The following SYTL2 variants were observed in gnomAD, a reference collection of about 807,000 sequenced individuals.
The protein encoded by SYTL2 is synaptotagmin-like protein 2.
Under a neutral mutation model 198.7 loss-of-function variants are expected in SYTL2, and 165 were observed. That is an observed-to-expected ratio of 0.83 (90% CI 0.73 to 0.94). SYTL2 has a LOEUF of 0.94. SYTL2 is among the 40% of genes least tolerant of loss of function. The pLI is 0.00. For missense variants in SYTL2, 2,835 were observed against 2,582.8 expected (o/e 1.10, Z -2.12); for synonymous variants, 966 against 917.7 (o/e 1.05, Z -0.95).
chr11:85,782,263 C>T (rs1367693637), intron 1 of SYTL2, among the ~76,000 whole-genome samples: 2 of 152,208 alleles, frequency 1.3e-5, no homozygotes, highest in Non-Finnish European at 2.9e-5. Context: ...TTGAGCTGTA[C>T]CTTGGTCTCT....
chr11:85,728,901 T>C (rs1391153095), intron 7 of SYTL2, among the ~76,000 whole-genome samples: 1 of 152,196 alleles, frequency 6.6e-6, no homozygotes, highest in African/African-American at 2.4e-5. Flanking sequence ...TTGGGCACAG[T>C]AATCTTTACT....
intron 2 of SYTL2, among the ~76,000 whole-genome samples, chr11:85,753,626 C>A (rs2091680847): frequency 6.6e-6 from 1 of 151,460 alleles, no homozygotes; most frequent in African/African-American, 2.4e-5. Flanking sequence ...TTTTAATTAG[C>A]TGGATGTGGT....
chr11:85,715,215 G>C (rs959703287), intron 11 of SYTL2: 5 of 152,020 alleles, frequency 3.3e-5, no homozygotes, highest in African/African-American at 1.2e-4. Context: ...TGTGTAGAAG[G>C]TACAAGAAGA....
At chr11:85,705,226 A>T (rs2084944505) in intron 15 of SYTL2, 198 bp from the exon 16 acceptor site, 2 of 459,466 alleles carry the variant, frequency 4.4e-6, no homozygotes, top group African/African-American at 1.9e-5. Flanking sequence ...ATAAAAGCTG[A>T]TTTGCTTCCC....
At chr11:85,714,776 C>T in intron 11 of SYTL2, 1 of 842,450 alleles carries the variant, frequency 1.2e-6, no homozygotes, top group South Asian at 2.7e-5. Flanking sequence ...TGGAGCTGCA[C>T]TTGAATCAAA....
At chr11:85,798,018 A>ATT (rs5793171) in intron 1 of SYTL2, among the ~76,000 whole-genome samples, 5,466 of 145,486 alleles carry the variant, frequency 0.038, 129 homozygotes, top group Admixed American at 0.06. Context: ...TATGCCAGCT[A>ATT]TTTTTTTTTT....
At chr11:85,745,490 G>A (rs1341115144) in intron 4 of SYTL2, 147 bp downstream of exon 4, 4 of 735,072 alleles carry the variant, frequency 5.4e-6, no homozygotes, top group African/African-American at 5.2e-5. Context: ...ATCTGCATCG[G>A]GGCCCAGAAT....
rs761042622 is a variant in SYTL2, at chr11:85,696,240, C to T, written c.6517G>A (p.Asp2173Asn). Residue 2173 changes from aspartate (D) to asparagine (N), a missense_variant, in exon 19 of 20, where the codon GAC (aspartate) becomes AAC (asparagine). Physicochemically the swap from Asp to Asn is conservative, Grantham distance 23 (BLOSUM62 1). This residue lies in a region of SYTL2 where 185 missense variants were observed against 182.1 expected (regional missense o/e 1.02). Transcript: ENST00000359152. ...MEACVELTVWDHYKLTNQFLG... is the reference protein window; with the variant it reads ...MEACVELTVWNHYKLTNQFLG... ...AATTGGTTGGTTAATTTGTAATGGT[C>T]CCAGACAGTAAGCTCTACACAGGCT... The T allele has an allele frequency of 2.5e-6, 4 of 1,613,790 alleles. No individual in the cohort carries two copies. In the East Asian group the frequency reaches 6.7e-5, roughly 27 times the overall value.
chr11:85,719,519 T>A (rs1413655943), intron 9 of SYTL2: 3 of 173,618 alleles, frequency 1.7e-5, no homozygotes, highest in Non-Finnish European at 3.4e-5. Context: ...TTTTTTTCTT[T>A]TTTTCTTTTT....
chr11:85,791,447 T>C (rs1473884515), intron 1 of SYTL2, among the ~76,000 whole-genome samples: 1 of 152,174 alleles, frequency 6.6e-6, no homozygotes, highest in Admixed American at 6.5e-5. Flanking sequence ...CCTAGCTATG[T>C]GACTCACTAG....
intron 1 of SYTL2, among the ~76,000 whole-genome samples, chr11:85,809,946 A>G (rs913430876): frequency 1.3e-5 from 2 of 152,190 alleles, no homozygotes; most frequent in Non-Finnish European, 2.9e-5. Flanking sequence ...GCTCCTTTCA[A>G]TCATCCTACT....
At chr11:85,712,667 C>T (rs1233213719) in intron 12 of SYTL2, among the ~76,000 whole-genome samples, 1 of 151,500 alleles carries the variant, frequency 6.6e-6, no homozygotes, top group Non-Finnish European at 1.5e-5. Context: ...AAACCAGGAA[C>T]TTATATAATT....
the SYTL2 span, among the ~76,000 whole-genome samples, chr11:85,843,944 G>T: frequency 6.4e-4 from 97 of 152,282 alleles, 1 homozygote; most frequent in Middle Eastern, 6.8e-3. Context: ...AACAAAATAA[G>T]CATCAACAAA....
rs1384608652 is a variant in SYTL2 at position 85,704,819 on chromosome 11, C to A, written c.6189+39G>T. The A allele has an allele frequency of 1.3e-6, 2 of 1,590,330 alleles. 1 individual carries two copies. The highest frequency in any genetic ancestry group is 2.2e-5 in the South Asian group (2 of 89,038). ...TTTTCCTATACACTAGGTACCACAT[C>A]AACCAACCAAATAAACAAACAAAAA... is the stretch of plus-strand genomic sequence containing the variant. On this transcript the variant is annotated intron_variant, in intron 16 of 19. Transcript: ENST00000359152.
intron 4 of SYTL2, among the ~76,000 whole-genome samples, chr11:85,742,175 G>A (rs2090843607): frequency 6.6e-6 from 1 of 152,284 alleles, no homozygotes; most frequent in South Asian, 2.1e-4. Context: ...CCACGCAGAG[G>A]TTTATTGGCT....
chr11:85,822,963 T>A, the SYTL2 span, among the ~76,000 whole-genome samples: 32 of 152,312 alleles, frequency 2.1e-4, no homozygotes, highest in East Asian at 4.8e-3. Flanking sequence ...AATGGTAAGG[T>A]CGCCATGCTG....
chr11:85,776,144 C>G (rs1199972985), intron 1 of SYTL2, among the ~76,000 whole-genome samples: 2 of 152,210 alleles, frequency 1.3e-5, no homozygotes, highest in Non-Finnish European at 2.9e-5. Flanking sequence ...CAAGTGATCT[C>G]TGCACAGCTG....
At chr11:85,755,431 C>G (rs1034690045) in intron 2 of SYTL2, among the ~76,000 whole-genome samples, 1 of 152,184 alleles carries the variant, frequency 6.6e-6, no homozygotes, top group African/African-American at 2.4e-5. Context: ...CCAATCCAAG[C>G]CTTCTTCCTG....
In SYTL2 at chr11:85,724,801, A is replaced by G; in HGVS notation, c.4557T>C (p.Asp1519=). Residue 1519 remains aspartate (D), a synonymous_variant, in exon 8 of 20, where the codon GAT becomes GAC. Transcript: ENST00000359152. ...ACTTTGATGGAGAAAGATTCCCTGT[A>G]TCACTTTCATATTTTGAGGGGAAGG... ...TETFPSKYES[D]TGNLSPSKLI... The G allele has an allele frequency of 6.2e-7, 1 of 1,613,204 alleles. No individual in the cohort carries two copies. Among genetic ancestry groups the G allele is most frequent in the Non-Finnish European group, 8.5e-7 (1 of 1,179,774 alleles).
Sources: allele counts gnomAD v4.1 joint callset (sites outside exome capture counted in the v4.1 genomes callset), GRCh38; gene constraint gnomAD v4.1.1; regional missense constraint gnomAD v4.1.1; transcripts MANE v1.5; gene names NCBI Gene and HGNC (gene_info 2026-07-23, HGNC 2026-07-21).